The following TGS1 variants were observed in gnomAD, a reference collection of about 807,000 sequenced individuals.
The protein encoded by TGS1 is trimethylguanosine synthase.
In TGS1, 69 loss-of-function variants were observed where a neutral mutation model predicts 92.2. The ratio of observed to expected loss-of-function variants is 0.75; its 90% CI spans 0.62 to 0.91. The LOEUF (loss-of-function observed/expected upper bound fraction) is 0.91, where lower values mean the gene tolerates loss of function less well. Ranked by LOEUF, TGS1 falls within the 40% of genes least tolerant of loss-of-function variation. The probability of loss-of-function intolerance (pLI) is 0.00; values close to 1 mark genes in which losing one functional copy is unlikely to be tolerated. For missense variants in TGS1, 1,062 were observed against 1,001.2 expected, an observed-to-expected ratio of 1.06 and a Z score of -0.82; for synonymous variants, 345 against 338.1, an observed-to-expected ratio of 1.02 and a Z score of -0.22.
At chr8:55,777,613 C>A (rs939175281) in intron 1 of TGS1, among the ~76,000 whole-genome samples, 1 of 151,850 alleles carries the variant, frequency 6.6e-6, no homozygotes, top group Non-Finnish European at 1.5e-5. Flanking sequence ...GATCTCGGCT[C>A]ACTGCAACCT....
chr8:55,809,742 C>T (rs917370315), intron 10 of TGS1, among the ~76,000 whole-genome samples: 6 of 152,184 alleles, frequency 3.9e-5, no homozygotes, highest in South Asian at 2.1e-4. Context: ...GCCAGCATTT[C>T]TTTTATGTGA....
At position 55,776,109 on chromosome 8, in the gene TGS1, G is replaced by C. The variant is rs1046421585; in HGVS notation, c.101+2390G>C. Among the ~76,000 whole-genome samples, 35 of 152,080 alleles carry C rather than the reference G, an allele frequency of 2.3e-4. 2 individuals are homozygous for C. The highest frequency in any genetic ancestry group is 8.5e-4 in the African/African-American group (35 of 41,406). ...CATCGGCAAGACTCCTGTCTCAAGA[G>C]CCGAGCAACCCGAGCGAGCAATTCC... On this transcript the variant is annotated intron_variant, in intron 1 of 12. Coordinates refer to ENST00000260129, the MANE Select transcript of TGS1 (RefSeq NM_024831.8).
chr8:55,804,811 G>C, intron 9 of TGS1, 82 bp from the exon 10 acceptor site: 1 of 1,166,448 alleles, frequency 8.6e-7, no homozygotes, highest in East Asian at 2.5e-5. Context: ...AAGTATGTAA[G>C]ATATAGTAAT....
At chr8:55,791,009 A>G (rs1811869025) in intron 5 of TGS1, among the ~76,000 whole-genome samples, 1 of 151,874 alleles carries the variant, frequency 6.6e-6, no homozygotes, top group Non-Finnish European at 1.5e-5. Flanking sequence ...ATGTTTTTCA[A>G]AAGTCTGGAT....
At position 55,808,721 on chromosome 8, in the gene TGS1, G is replaced by C. The variant is rs574653052; in HGVS notation, c.2144-2160G>C. Among the ~76,000 whole-genome samples the C allele has an allele frequency of 2.6e-5, 4 of 151,848 alleles. No homozygotes were observed. In the South Asian group the frequency reaches 6.2e-4, roughly 24 times the overall value. On this transcript the variant is annotated intron_variant, in intron 10 of 12. Transcript: ENST00000260129. ...ATGGGGTTTCACCATGTTGGCCAGG[G>C]TGGTCTCGAACTCCTGACCTCAGGT...
intron 8 of TGS1, among the ~76,000 whole-genome samples, chr8:55,802,149 G>A (rs1398838413): frequency 6.6e-6 from 1 of 152,242 alleles, no homozygotes; most frequent in South Asian, 2.1e-4. Context: ...AGCCAAGATC[G>A]TGCCACTGCA....
Position 55,790,250 on chromosome 8 carries a change from G to C in TGS1, c.1231G>C (p.Glu411Gln), listed in dbSNP as rs141918059. ...ACATGCCAGTGGTACTGATGGAGAT[G>C]AAAGTGAGGAAGACCCACCTGAGCA... ...RPHASGTDGD[E>Q]SEEDPPEHKP... The change falls in exon 5 of 13, where the codon GAA becomes CAA. Residue 411 changes from glutamate to glutamine, a missense_variant. By Grantham distance (29) the Glu-to-Gln change is conservative (BLOSUM62 2). Transcript: ENST00000260129. 2.0e-5 allele frequency: 33 copies of C among 1,614,122 alleles called. No individual in the cohort carries two copies. In the African/African-American group the frequency reaches 4.4e-4, roughly 22 times the overall value.
Position 55,790,227 on chromosome 8 carries a change from A to G in TGS1, c.1208A>G (p.His403Arg), listed in dbSNP as rs188006357. The G allele has an allele frequency of 1.9e-5, 30 of 1,614,082 alleles. No individual in the cohort carries two copies. The African/African-American group carries it at 2.8e-4, about 15-fold the overall frequency. The change falls in exon 5 of 13, where the codon CAT (histidine) becomes CGT (arginine). Residue 403 changes from histidine (H) to arginine (R), a missense_variant. By Grantham distance (29) the His-to-Arg change is conservative. Transcript: ENST00000260129. ...SGANTSKDRP[H>R]ASGTDGDESE... ...GCAAACACAAGCAAAGACAGACCAC[A>G]TGCCAGTGGTACTGATGGAGATGAA...
At position 55,785,965 on chromosome 8, in the gene TGS1, A is replaced by G. The variant is rs1368512342; in HGVS notation, c.339+74A>G. The G allele has an allele frequency of 3.7e-5, 45 of 1,210,224 alleles. No homozygotes were observed. The Admixed American group carries it at 6.1e-4, about 17-fold the overall frequency. The allele number at this position is 1,210,224 out of a possible 1,614,324, so 75.0% of individuals were successfully genotyped here. The stretch of plus-strand genomic sequence containing the variant: ...AAAATATCGCAAGGAATTACTTTTT[A>G]TCAGATTATATGCATTCACGATCAG... On this transcript the variant is annotated intron_variant, in intron 3 of 12. Transcript: ENST00000260129.
At chr8:55,823,836 C>A (rs995853833) in intron 12 of TGS1, among the ~76,000 whole-genome samples, 2 of 151,984 alleles carry the variant, frequency 1.3e-5, no homozygotes, top group African/African-American at 2.4e-5. Flanking sequence ...AAAAATAAAC[C>A]TAGGCCGGGC....
intron 4 of TGS1, 89 bp from the exon 5 acceptor site, chr8:55,790,093 G>A: frequency 1.1e-6 from 1 of 887,340 alleles, no homozygotes; most frequent in South Asian, 1.5e-5. Flanking sequence ...TGTAGAAAAG[G>A]TGCTAAAATA....
intron 12 of TGS1, among the ~76,000 whole-genome samples, chr8:55,823,251 A>T (rs535497455): frequency 1.1e-3 from 161 of 152,340 alleles, no homozygotes; most frequent in African/African-American, 3.7e-3. Context: ...ATAAGAACTT[A>T]GGGTAAAACA....
At position 55,773,764 on chromosome 8, in the gene TGS1, C is replaced by T. The variant is rs184573387; in HGVS notation, c.101+45C>T. ...TCTTCATGTTCTAGCACAGTCATTA[C>T]CCAGAAATGTAGGTATTGCAAACGT... On this transcript the variant is annotated intron_variant, in intron 1 of 12. Transcript: ENST00000260129. The T allele has an allele frequency of 7.6e-4, 1,136 of 1,484,972 alleles. 10 individuals carry two copies. The African/African-American group carries it at 0.01, about 13-fold the overall frequency. 92.0% of individuals were successfully genotyped at this position (1,484,972 alleles called of 1,614,324 possible).
At chr8:55,793,630 C>A (rs778441478) in intron 6 of TGS1, among the ~76,000 whole-genome samples, 13 of 151,986 alleles carry the variant, frequency 8.6e-5, no homozygotes, top group Non-Finnish European at 1.6e-4. Flanking sequence ...CACAGTGGTG[C>A]GATCTCGGCC....
Position 55,773,603 on chromosome 8 carries a change from C to A in TGS1, c.-16C>A. The A allele has an allele frequency of 6.2e-7, 1 of 1,602,186 alleles. No homozygotes were observed. Among genetic ancestry groups the A allele is most frequent in the Non-Finnish European group, 8.5e-7 (1 of 1,174,190 alleles). On this transcript the variant is annotated 5_prime_UTR_variant, in exon 1 of 13. Coordinates refer to ENST00000260129, the MANE Select transcript of TGS1 (RefSeq NM_024831.8). Reference sequence around the variant, plus strand: ...ACCCGGGCTGCGTACGTCAGAGCTGCCTCCGAAGTGGTAAAATGTGCTGCG... The same window carrying A: ...ACCCGGGCTGCGTACGTCAGAGCTGACTCCGAAGTGGTAAAATGTGCTGCG...
At chr8:55,822,829 C>T (rs879560349) in intron 12 of TGS1, among the ~76,000 whole-genome samples, 10 of 152,146 alleles carry the variant, frequency 6.6e-5, no homozygotes, top group Non-Finnish European at 1.2e-4. Flanking sequence ...TTTACATACT[C>T]ACTGGAAATG....
At chr8:55,779,929 C>T (rs1442238340) in intron 1 of TGS1, among the ~76,000 whole-genome samples, 3 of 149,774 alleles carry the variant, frequency 2.0e-5, no homozygotes, top group Non-Finnish European at 3.0e-5. Context: ...GGCTGGAGTG[C>T]AGTGGCAACC....
intron 9 of TGS1, among the ~76,000 whole-genome samples, chr8:55,802,996 A>T (rs1038671890): frequency 1.3e-5 from 2 of 150,674 alleles, no homozygotes; most frequent in Non-Finnish European, 3.0e-5. Context: ...ATCATGTATC[A>T]TTGCGTTTAT....
intron 1 of TGS1, among the ~76,000 whole-genome samples, chr8:55,779,545 G>A (rs1811500476): frequency 1.3e-5 from 2 of 151,390 alleles, no homozygotes; most frequent in Admixed American, 6.6e-5. Flanking sequence ...TGTAGGAGAT[G>A]CAGGCCAGGA....
Sources: gnomAD v4.1 joint callset for allele counts (sites outside exome capture counted in the v4.1 genomes callset) on GRCh38, gnomAD v4.1.1 for gene constraint, MANE v1.5 for transcripts, NCBI Gene and HGNC (gene_info 2026-07-23, HGNC 2026-07-21) for gene names.